KAZN: variants seen among roughly 807,000 people sequenced by gnomAD.
The protein encoded by KAZN is kazrin.
KAZN carries 40 observed loss-of-function variants against 87.4 expected under a neutral mutation model. The ratio of observed to expected loss-of-function variants is 0.46; its 90% CI spans 0.36 to 0.60. KAZN has a LOEUF of 0.60. Among genes scored for constraint, KAZN ranks in the 20% least tolerant of loss-of-function variants. The pLI is 0.00. For synonymous variants in KAZN, 466 were observed against 458.3 expected (o/e 1.02, Z -0.22); for missense variants, 898 against 1,073.9 (o/e 0.84, Z 2.29).
intron 1 of KAZN, among the ~76,000 whole-genome samples, chr1:14,015,852 G>A (rs6429822): frequency 0.85 from 129,279 of 151,722 alleles, 55,265 homozygotes; most frequent in African/African-American, 0.88. Context: ...TACTTTGCCC[G>A]AGCCTCAACA....
chr1:13,951,304 C>T (rs1190283548), intron 1 of KAZN, among the ~76,000 whole-genome samples: 1 of 152,096 alleles, frequency 6.6e-6, no homozygotes, highest in Non-Finnish European at 1.5e-5. Context: ...GGATCTACCA[C>T]TTCACAGCTG....
At chr1:14,175,432 C>A (rs774194618) in intron 1 of KAZN, among the ~76,000 whole-genome samples, 15 of 152,208 alleles carry the variant, frequency 9.9e-5, no homozygotes, top group Non-Finnish European at 1.8e-4. Context: ...AGTTGCCATA[C>A]AATGTGGTAA....
chr1:14,077,566 T>C (rs990656074), intron 1 of KAZN, among the ~76,000 whole-genome samples: 3 of 152,200 alleles, frequency 2.0e-5, no homozygotes, highest in African/African-American at 4.8e-5. Context: ...AAGATGGACC[T>C]TGTATTGATT....
At chr1:15,112,599 T>TTCTTCTCCCAGCGGCAGGTCTTTTTTTC in intron 14 of KAZN, 58 bp downstream of exon 14, 1 of 1,245,834 alleles carries the variant, frequency 8.0e-7, no homozygotes, top group Non-Finnish European at 1.1e-6. Context: ...GGTCTTTTTT[T>TTCTTCTCCCAGCGGCAGGTCTTTTTTTC]CTCCTCCCGG....
intron 4 of KAZN, among the ~76,000 whole-genome samples, chr1:15,047,000 C>T (rs1442251665): frequency 1.3e-5 from 2 of 152,242 alleles, no homozygotes; most frequent in South Asian, 2.1e-4. Context: ...CTGGCTTCCA[C>T]TCCCACTGCG....
At chr1:14,527,237 G>A (rs1444484021) in intron 2 of KAZN, among the ~76,000 whole-genome samples, 1 of 152,112 alleles carries the variant, frequency 6.6e-6, no homozygotes, top group Non-Finnish European at 1.5e-5. Flanking sequence ...AAGAATACCT[G>A]AGGCTGAGTA....
chr1:14,707,173 A>G (rs1642254998), intron 1 of KAZN, among the ~76,000 whole-genome samples: 1 of 152,316 alleles, frequency 6.6e-6, no homozygotes, highest in African/African-American at 2.4e-5. Context: ...TGAGGGTGCA[A>G]ACTATGACGG....
chr1:14,962,167 G>T (rs554432511), intron 2 of KAZN, among the ~76,000 whole-genome samples: 2 of 152,256 alleles, frequency 1.3e-5, no homozygotes, highest in Admixed American at 1.3e-4. Flanking sequence ...GGCCAAGAAG[G>T]CTATCTGTCC....
At position 13,930,758 on chromosome 1, in the gene KAZN, T is replaced by C. The variant is rs537487300; in HGVS notation, c.91+37002T>C. Among the ~76,000 whole-genome samples, 16 of 152,366 alleles carry C rather than the reference T, an allele frequency of 1.1e-4. No homozygotes were observed. In the East Asian group the frequency reaches 2.1e-3, roughly 20 times the overall value. On this transcript the variant is annotated intron_variant, in intron 1 of 16. Coordinates refer to the KAZN transcript ENST00000636203. ...TTTGGCCTGGGTTTTGCAGGATTCA[T>C]AGGAGTTTACCAGAGCTGATAGTCT... is the stretch of plus-strand genomic sequence containing the variant.
chr1:14,406,244 TTTG>T (rs1663844193), intron 2 of KAZN, among the ~76,000 whole-genome samples: 1 of 152,092 alleles, frequency 6.6e-6, no homozygotes, highest in East Asian at 1.9e-4. Context: ...TACTCACAAA[TTTG>T]TTTTTAATAA....
intron 1 of KAZN, among the ~76,000 whole-genome samples, chr1:13,954,719 T>A (rs1372127531): frequency 1.3e-5 from 2 of 152,216 alleles, no homozygotes; most frequent in African/African-American, 2.4e-5. Context: ...GTCGGCCAGC[T>A]CTTATGCACT....
intron 4 of KAZN, among the ~76,000 whole-genome samples, chr1:15,045,105 A>G (rs1290005843): frequency 6.6e-6 from 1 of 152,156 alleles, no homozygotes; most frequent in Non-Finnish European, 1.5e-5. Flanking sequence ...TGCCCACTCA[A>G]CTGTTCTGGG....
At chr1:14,348,636 G>A (rs113342742) in intron 2 of KAZN, among the ~76,000 whole-genome samples, 31 of 152,306 alleles carry the variant, frequency 2.0e-4, no homozygotes, top group South Asian at 1.2e-3. Flanking sequence ...AGAAAAGAAC[G>A]CGAAGAGGGG....
intron 2 of KAZN, among the ~76,000 whole-genome samples, chr1:14,962,086 T>A (rs1268868099): frequency 6.6e-6 from 1 of 152,192 alleles, no homozygotes; most frequent in African/African-American, 2.4e-5. Flanking sequence ...AAAGAGAGAA[T>A]GGATTTTGCT....
Position 14,899,188 on chromosome 1 carries a change from A to G in KAZN, c.227-61496A>G, listed in dbSNP as rs192312700. On this transcript the variant is annotated intron_variant, in intron 1 of 14. Coordinates refer to ENST00000376030, the MANE Select transcript of KAZN (RefSeq NM_201628.3). ...CCCTGTACCAAGGTCAGGAAGATGG[A>G]ATGTTCCGCTAAGTCAAGTTCACTG... is the stretch of plus-strand genomic sequence containing the variant. 4.0e-3 allele frequency among the ~76,000 whole-genome samples: 609 copies of G among 152,304 alleles called. 3 individuals are homozygous for G. The highest frequency in any genetic ancestry group is 0.024 in the Middle Eastern group (7 of 294).
chr1:14,300,207 G>A (rs1414206941), intron 2 of KAZN, among the ~76,000 whole-genome samples: 2 of 152,152 alleles, frequency 1.3e-5, no homozygotes, highest in East Asian at 1.9e-4. Context: ...GGGACTCGGA[G>A]CCTCGTTAGC....
At chr1:15,003,171 C>T (rs1311081930) in intron 2 of KAZN, among the ~76,000 whole-genome samples, 1 of 152,158 alleles carries the variant, frequency 6.6e-6, no homozygotes, top group Non-Finnish European at 1.5e-5. Context: ...AGCCTCACAA[C>T]CTTCTGCCTT....
chr1:14,617,978 C>T (rs1678386467), intron 1 of KAZN, among the ~76,000 whole-genome samples: 1 of 152,220 alleles, frequency 6.6e-6, no homozygotes, highest in South Asian at 2.1e-4. Flanking sequence ...ACAGCTCATG[C>T]ATCACCCTCC....
chr1:15,105,643 A>G (rs898632498), intron 13 of KAZN, among the ~76,000 whole-genome samples: 12 of 151,906 alleles, frequency 7.9e-5, no homozygotes, highest in Admixed American at 7.9e-4. Flanking sequence ...TCTCTAACTC[A>G]GGCCTGAGTC....
Sources: allele counts gnomAD v4.1 joint callset (sites outside exome capture counted in the v4.1 genomes callset), GRCh38; gene constraint gnomAD v4.1.1; transcripts MANE v1.5; gene names NCBI Gene and HGNC (gene_info 2026-07-23, HGNC 2026-07-21).